The following NAALADL2 variants were observed in gnomAD, a reference collection of about 807,000 sequenced individuals.
NAALADL2 encodes the protein inactive N-acetylated-alpha-linked acidic dipeptidase-like protein 2.
A neutral mutation model predicts 87.2 loss-of-function variants in NAALADL2; 76 were observed. That is an observed-to-expected ratio of 0.87 (90% CI 0.72 to 1.05). The LOEUF (loss-of-function observed/expected upper bound fraction) is 1.05, where lower values mean the gene tolerates loss of function less well. Ranked by LOEUF, NAALADL2 falls within the 50% of genes least tolerant of loss-of-function variation. The pLI is 0.00. For missense variants in NAALADL2, 1,089 were observed against 945.8 expected (o/e 1.15, Z -1.99); for synonymous variants, 354 against 331.0 (o/e 1.07, Z -0.75).
At chr3:175,508,155 A>G (rs781471743) in intron 9 of NAALADL2, among the ~76,000 whole-genome samples, 33 of 152,186 alleles carry the variant, frequency 2.2e-4, no homozygotes, top group Non-Finnish European at 4.6e-4. Flanking sequence ...TTAGAGCAAG[A>G]GCTCACTTAT....
At chr3:174,549,351 T>G (rs1004031551) in intron 1 of NAALADL2, among the ~76,000 whole-genome samples, 3 of 152,148 alleles carry the variant, frequency 2.0e-5, no homozygotes, top group Admixed American at 1.3e-4. Flanking sequence ...ATGCAGATAG[T>G]TTAGCAGGAT....
rs185670883 is a variant in NAALADL2 at position 174,803,164 on chromosome 3, C to T, written c.-9+65418C>T. Among the ~76,000 whole-genome samples the T allele has an allele frequency of 5.2e-3, 796 of 152,126 alleles. 1 individual carries two copies. Among genetic ancestry groups the T allele is most frequent in the Non-Finnish European group, 8.7e-3 (594 of 68,002 alleles). ...TGTTGTTTCCTGACTTTTTAATGAT[C>T]GCCATTCTAACTGACATGAGATGGT... On this transcript the variant is annotated intron_variant, in intron 3 of 3. Coordinates refer to the NAALADL2 transcript ENST00000434257.
chr3:175,764,052 A>G (rs888050755), intron 13 of NAALADL2, among the ~76,000 whole-genome samples: 2 of 152,066 alleles, frequency 1.3e-5, no homozygotes, highest in Non-Finnish European at 2.9e-5. Context: ...GGAAAAGTGA[A>G]CATCCTCTAA....
In NAALADL2 at chr3:175,781,586, T is replaced by TA. The variant is rs34916352; in HGVS notation, c.2190-21412dup. Among the ~76,000 whole-genome samples the TA allele has an allele frequency of 5.0e-3, 747 of 149,858 alleles. 1 individual carries two copies. Among genetic ancestry groups the TA allele is most frequent in the Middle Eastern group, 0.01 (3 of 288 alleles). On this transcript the variant is annotated intron_variant, in intron 13 of 13. Transcript: ENST00000454872. Reference sequence around the variant, plus strand: ...TTATATTAGAGTGTGCTCCTACTTATAAAAAAATTGATGATACTGATCCTG... The same window carrying TA: ...TTATATTAGAGTGTGCTCCTACTTATAAAAAAAATTGATGATACTGATCCTG...
At chr3:174,838,697 A>G (rs1435178358) in intron 3 of NAALADL2, among the ~76,000 whole-genome samples, 2 of 152,222 alleles carry the variant, frequency 1.3e-5, no homozygotes, top group Non-Finnish European at 1.5e-5. Flanking sequence ...CTATACACCA[A>G]TAGCGACCAA....
At chr3:174,942,449 C>T (rs1666992793) in intron 1 of NAALADL2, among the ~76,000 whole-genome samples, 1 of 152,160 alleles carries the variant, frequency 6.6e-6, no homozygotes, top group Non-Finnish European at 1.5e-5. Context: ...CCCTTTCTCT[C>T]TAGCTGCCTT....
At chr3:174,846,240 C>T (rs766092258) in intron 3 of NAALADL2, among the ~76,000 whole-genome samples, 10 of 152,190 alleles carry the variant, frequency 6.6e-5, no homozygotes, top group East Asian at 1.9e-4. Context: ...GCTTTGCTCT[C>T]CTCTCTATGT....
intron 3 of NAALADL2, 117 bp downstream of exon 3, chr3:175,234,321 T>G: frequency 8.9e-7 from 1 of 1,125,916 alleles, no homozygotes; most frequent in Admixed American, 2.6e-5. Context: ...ATTAAATCTT[T>G]TCAGTGTGGA....
At position 174,737,637 on chromosome 3, in the gene NAALADL2, A is replaced by T. The variant is rs1279086237; in HGVS notation, c.-114-4A>T. The T allele has an allele frequency of 3.2e-4, 48 of 152,208 alleles. 1 individual carries two copies. The highest frequency in any genetic ancestry group is 3.1e-3 in the Admixed American group (48 of 15,280). The allele number at this position is 152,208 out of a possible 1,614,324, so 9.4% of individuals were successfully genotyped here. ...TTTAACTCTGGTTTTTGATTTATGAACAGGAAATGAGCATTGACTATTAGG... is the reference window on the plus strand; with the variant it reads ...TTTAACTCTGGTTTTTGATTTATGATCAGGAAATGAGCATTGACTATTAGG... On this transcript the variant is annotated splice_polypyrimidine_tract_variant and splice_region_variant and intron_variant, in intron 2 of 3. Coordinates refer to the NAALADL2 transcript ENST00000434257.
chr3:175,391,376 G>A (rs1485072390), intron 5 of NAALADL2, among the ~76,000 whole-genome samples: 2 of 152,164 alleles, frequency 1.3e-5, no homozygotes, highest in East Asian at 3.9e-4. Flanking sequence ...ATTACAAAGA[G>A]ACCATAGCTT....
At chr3:175,279,755 A>G (rs1327266067) in intron 4 of NAALADL2, among the ~76,000 whole-genome samples, 2 of 150,780 alleles carry the variant, frequency 1.3e-5, no homozygotes, top group Admixed American at 6.7e-5. Context: ...TTTTCCAACA[A>G]TCGCTGAATA....
chr3:175,163,043 C>T (rs1733474066), intron 2 of NAALADL2, among the ~76,000 whole-genome samples: 1 of 152,032 alleles, frequency 6.6e-6, no homozygotes, highest in African/African-American at 2.4e-5. Flanking sequence ...AATAATTTCT[C>T]TGATTTGATC....
intron 11 of NAALADL2, among the ~76,000 whole-genome samples, chr3:175,651,507 G>A (rs1319957153): frequency 6.6e-6 from 1 of 152,126 alleles, no homozygotes; most frequent in Non-Finnish European, 1.5e-5. Flanking sequence ...GAAAAAGAGA[G>A]TTCAGCTTAT....
At chr3:175,627,222 A>C in intron 10 of NAALADL2, 69 bp from the exon 11 acceptor site, 1 of 1,266,946 alleles carries the variant, frequency 7.9e-7, no homozygotes, top group Non-Finnish European at 1.1e-6. Flanking sequence ...CTTTAAGGAA[A>C]ATCCAATAAA....
chr3:175,732,583 G>A (rs1479467595), intron 11 of NAALADL2, among the ~76,000 whole-genome samples: 1 of 152,152 alleles, frequency 6.6e-6, no homozygotes, highest in African/African-American at 2.4e-5. Context: ...GAGGTTCACA[G>A]TTTTTAGATG....
chr3:174,782,365 C>A (rs1716092570), intron 3 of NAALADL2, among the ~76,000 whole-genome samples: 1 of 152,084 alleles, frequency 6.6e-6, no homozygotes, highest in African/African-American at 2.4e-5. Context: ...TACTACCATG[C>A]TGGCTTTTAC....
At position 175,256,474 on chromosome 3, in the gene NAALADL2, A is replaced by C. The variant is rs1320496316; in HGVS notation, c.883A>C (p.Asn295His). ...TTTAAAAAGGATTAGGAAAATAAAAAACGTAACAAATCAGATCGCACTCCT... is the reference window on the plus strand; with the variant it reads ...TTTAAAAAGGATTAGGAAAATAAAACACGTAACAAATCAGATCGCACTCCT... ...DDLKRIRKIK[N>H]VTNQIALLKL... The change falls in exon 4 of 14, where the codon AAC becomes CAC. Residue 295 changes from asparagine to histidine, a missense_variant. Coordinates refer to ENST00000454872, the MANE Select transcript of NAALADL2 (RefSeq NM_207015.3). The C allele has an allele frequency of 6.2e-7, 1 of 1,612,894 alleles. No homozygotes were observed. Among genetic ancestry groups the C allele is most frequent in the Non-Finnish European group, 8.5e-7 (1 of 1,179,376 alleles).
chr3:174,766,027 A>G (rs1458662941), intron 3 of NAALADL2, among the ~76,000 whole-genome samples: 2 of 152,198 alleles, frequency 1.3e-5, no homozygotes, highest in Non-Finnish European at 1.5e-5. Context: ...ACACCCCTCA[A>G]TAGTTTTAAA....
chr3:174,882,477 G>GTATA (rs1491352859), intron 1 of NAALADL2, among the ~76,000 whole-genome samples: 3,661 of 149,676 alleles, frequency 0.024, 161 homozygotes, highest in African/African-American at 0.079. Flanking sequence ...ATATGTGTAT[G>GTATA]CATACATATG....
Sources: gnomAD v4.1 joint callset for allele counts (sites outside exome capture counted in the v4.1 genomes callset) on GRCh38, gnomAD v4.1.1 for gene constraint, MANE v1.5 for transcripts, NCBI Gene and HGNC (gene_info 2026-07-23, HGNC 2026-07-21) for gene names.